Variants in GRIN3A observed in about 807,000 individuals in gnomAD.
The protein encoded by GRIN3A is glutamate ionotropic receptor NMDA type subunit 3A.
A neutral mutation model predicts 92.4 loss-of-function variants in GRIN3A; 47 were observed. The ratio of observed to expected loss-of-function variants is 0.51; its 90% confidence interval spans 0.40 to 0.65. The LOEUF is 0.65. GRIN3A is among the 30% of genes least tolerant of loss of function. GRIN3A has a pLI of 0.00. For missense variants in GRIN3A, 1,324 were observed against 1,393.1 expected (o/e 0.95, Z 0.79); for synonymous variants, 527 against 540.6 (o/e 0.97, Z 0.35).
Position 101,626,885 on chromosome 9 carries a change from C to T in GRIN3A, c.2498+1371G>A, listed in dbSNP as rs12554222. Among the ~76,000 whole-genome samples, 1,484 of 152,250 alleles carry T rather than the reference C, an allele frequency of 9.7e-3. 25 individuals carry two copies. The highest frequency in any genetic ancestry group is 0.034 in the African/African-American group (1,402 of 41,544). ...CTTGTCTTGGGCCTTCATCTGTGGC[C>T]GCTTTCCTGAAGATTGCTTCCCTTC... is the stretch of plus-strand genomic sequence containing the variant. On this transcript the variant is annotated intron_variant, in intron 4 of 8. Transcript: ENST00000361820.
intron 6 of GRIN3A, chr9:101,592,510 G>T (rs1828044235): frequency 6.6e-6 from 1 of 152,192 alleles, no homozygotes; most frequent in African/African-American, 2.4e-5. Context: ...CAGCTAAAAA[G>T]AAGTGAGTGT....
chr9:101,612,646 C>T (rs1764814588), intron 6 of GRIN3A, among the ~76,000 whole-genome samples: 2 of 151,890 alleles, frequency 1.3e-5, no homozygotes. Flanking sequence ...ATATTTGGCT[C>T]CTCTTTTAAA....
chr9:101,709,108 C>A (rs1202176735), intron 1 of GRIN3A, among the ~76,000 whole-genome samples: 1 of 149,718 alleles, frequency 6.7e-6, no homozygotes, highest in Non-Finnish European at 1.5e-5. Flanking sequence ...TTTTTTTTTT[C>A]TTCTCTTTTG....
intron 4 of GRIN3A, among the ~76,000 whole-genome samples, chr9:101,627,224 A>T (rs1828645428): frequency 6.6e-6 from 1 of 152,194 alleles, no homozygotes; most frequent in East Asian, 1.9e-4. Flanking sequence ...TTCTTGCAAA[A>T]TTAAAAGTGG....
intron 1 of GRIN3A, among the ~76,000 whole-genome samples, chr9:101,718,746 G>A (rs1038868228): frequency 7.0e-4 from 107 of 152,222 alleles, no homozygotes; most frequent in Admixed American, 3.3e-3. Context: ...TGGTGTCAGC[G>A]TGTCTTTAAC....
At chr9:101,641,080 G>A (rs1256203855) in intron 3 of GRIN3A, among the ~76,000 whole-genome samples, 3 of 151,986 alleles carry the variant, frequency 2.0e-5, no homozygotes, top group East Asian at 3.9e-4. Flanking sequence ...ACTAAGCGTT[G>A]GATGAATGAA....
intron 3 of GRIN3A, among the ~76,000 whole-genome samples, chr9:101,659,144 G>A (rs80262315): frequency 2.2e-3 from 336 of 151,890 alleles, no homozygotes; most frequent in African/African-American, 7.9e-3. Flanking sequence ...TCTTCACAGA[G>A]CAAACCATCA....
chr9:101,712,467 T>C (rs1313106373), intron 1 of GRIN3A, among the ~76,000 whole-genome samples: 2 of 152,102 alleles, frequency 1.3e-5, no homozygotes, highest in Non-Finnish European at 2.9e-5. Context: ...ACAAATGAGG[T>C]AGACAAGGCA....
At chr9:101,702,004 A>G (rs922736872) in intron 1 of GRIN3A, among the ~76,000 whole-genome samples, 1 of 152,074 alleles carries the variant, frequency 6.6e-6, no homozygotes, top group African/African-American at 2.4e-5. Context: ...GTGTATACTT[A>G]AAATCTTCAT....
At chr9:101,708,907 C>T (rs1447145764) in intron 1 of GRIN3A, among the ~76,000 whole-genome samples, 1 of 152,210 alleles carries the variant, frequency 6.6e-6, no homozygotes. Context: ...TTATAAATCC[C>T]ACACAATAGT....
At chr9:101,664,688 G>A (rs1005080873) in intron 3 of GRIN3A, among the ~76,000 whole-genome samples, 2 of 152,034 alleles carry the variant, frequency 1.3e-5, no homozygotes, top group African/African-American at 2.4e-5. Flanking sequence ...TCTTTCTTGC[G>A]CAGGCTCTTG....
At chr9:101,713,080 T>A (rs180782128) in intron 1 of GRIN3A, among the ~76,000 whole-genome samples, 1 of 152,262 alleles carries the variant, frequency 6.6e-6, no homozygotes, top group East Asian at 1.9e-4. Context: ...AAGACTTCCA[T>A]CCCTTTCCTT....
At chr9:101,679,014 C>T (rs371856914) in intron 2 of GRIN3A, among the ~76,000 whole-genome samples, 19 of 152,214 alleles carry the variant, frequency 1.2e-4, no homozygotes, top group Admixed American at 2.6e-4. Context: ...TGAAACATCA[C>T]AACTCAATTC....
intron 6 of GRIN3A, among the ~76,000 whole-genome samples, chr9:101,596,384 AT>A (rs1207057046): frequency 2.0e-5 from 3 of 152,320 alleles, no homozygotes; most frequent in Middle Eastern, 3.4e-3. Flanking sequence ...CTTTTCAGTT[AT>A]TCAGAGAAAT....
At chr9:101,688,984 C>G (rs1829577064) in intron 1 of GRIN3A, among the ~76,000 whole-genome samples, 1 of 152,142 alleles carries the variant, frequency 6.6e-6, no homozygotes, top group South Asian at 2.1e-4. Flanking sequence ...TCTGGGTGTC[C>G]AGGCTTGAGC....
intron 6 of GRIN3A, among the ~76,000 whole-genome samples, chr9:101,606,507 C>T (rs1010741717): frequency 2.0e-5 from 3 of 152,080 alleles, no homozygotes; most frequent in African/African-American, 7.2e-5. Context: ...TTAATTCTTC[C>T]CTTTGAACCT....
intron 1 of GRIN3A, among the ~76,000 whole-genome samples, chr9:101,728,349 C>A (rs1468292697): frequency 6.6e-6 from 1 of 152,104 alleles, no homozygotes. Flanking sequence ...CTAATGACCA[C>A]CCCTGGCGGT....
intron 1 of GRIN3A, among the ~76,000 whole-genome samples, chr9:101,734,534 CT>C (rs1028434141): frequency 6.6e-6 from 1 of 150,924 alleles, no homozygotes; most frequent in African/African-American, 2.4e-5. Flanking sequence ...AGCTGATCCC[CT>C]AGAAGGTGAT....
intron 6 of GRIN3A, among the ~76,000 whole-genome samples, chr9:101,601,848 T>C (rs1250819216): frequency 6.6e-6 from 1 of 152,194 alleles, no homozygotes; most frequent in Admixed American, 6.5e-5. Context: ...TATGACTGCA[T>C]CTCAGCTCAA....
Sources: allele counts gnomAD v4.1 joint callset (sites outside exome capture counted in the v4.1 genomes callset), GRCh38; gene constraint gnomAD v4.1.1; transcripts MANE v1.5; gene names NCBI Gene and HGNC (gene_info 2026-07-23, HGNC 2026-07-21).